RTL4: variants seen among roughly 807,000 people sequenced by gnomAD.
RTL4 encodes retrotransposon Gag-like protein 4.
In RTL4, 4 loss-of-function variants were observed where a neutral mutation model predicts 5.3. That is an observed-to-expected ratio of 0.75 (90% CI 0.37 to 1.72). The LOEUF (loss-of-function observed/expected upper bound fraction) is 1.72. Among genes scored for constraint, RTL4 ranks in the 40% most tolerant of loss-of-function variants. RTL4 has a pLI of 0.04. For missense variants in RTL4, 260 were observed against 227.1 expected (o/e 1.14, Z -0.93); for synonymous variants, 98 against 87.3 (o/e 1.12, Z -0.68).
chrX:112,397,890 G>T, the RTL4 span, among the ~76,000 whole-genome samples: 1 of 111,656 alleles, frequency 9.0e-6, no homozygotes, highest in South Asian at 3.7e-4. Flanking sequence ...GCTTTTTGAA[G>T]ATTCCTTGGG....
the RTL4 span, among the ~76,000 whole-genome samples, chrX:112,293,221 A>G: frequency 8.9e-6 from 1 of 112,503 alleles, no homozygotes; most frequent in Non-Finnish European, 1.9e-5. Context: ...CAGTACTTTC[A>G]TCTTCCTTCC....
At chrX:112,174,725 A>G in the RTL4 span, among the ~76,000 whole-genome samples, 1 of 91,416 alleles carries the variant, frequency 1.1e-5, no homozygotes, top group Non-Finnish European at 2.2e-5. Flanking sequence ...CTATTTCTCC[A>G]CATCCTCTCC....
At chrX:112,249,959 A>G in the RTL4 span, among the ~76,000 whole-genome samples, 2 of 110,597 alleles carry the variant, frequency 1.8e-5, no homozygotes, top group South Asian at 7.7e-4. Flanking sequence ...ACATAGTCAC[A>G]AAGACCCATG....
the RTL4 span, among the ~76,000 whole-genome samples, chrX:112,400,632 G>C: frequency 9.0e-6 from 1 of 111,541 alleles, no homozygotes; most frequent in Non-Finnish European, 1.9e-5. Context: ...TTTACTGGAT[G>C]CTGGATATTT....
the RTL4 span, among the ~76,000 whole-genome samples, chrX:112,423,659 T>C: frequency 1.8e-5 from 2 of 111,573 alleles, no homozygotes; most frequent in Non-Finnish European, 3.8e-5. Flanking sequence ...GGCCACCTTG[T>C]GTTCTTGATT....
At chrX:112,425,160 G>A in the RTL4 span, among the ~76,000 whole-genome samples, 2 of 111,094 alleles carry the variant, frequency 1.8e-5, no homozygotes, top group African/African-American at 6.5e-5. Flanking sequence ...TTTCCAGAAG[G>A]TCATATAGTT....
the RTL4 span, among the ~76,000 whole-genome samples, chrX:112,230,122 C>G: frequency 1.8e-5 from 2 of 112,619 alleles, no homozygotes; most frequent in Non-Finnish European, 3.8e-5. Flanking sequence ...GCCCTGCCCC[C>G]AGAGGTGGAG....
At chrX:112,137,463 T>A in the RTL4 span, among the ~76,000 whole-genome samples, 1 of 111,923 alleles carries the variant, frequency 8.9e-6, no homozygotes, top group African/African-American at 3.2e-5. Context: ...AGCAGGCACA[T>A]CCTTCACAAG....
At chrX:112,147,595 A>G in the RTL4 span, among the ~76,000 whole-genome samples, 1 of 111,688 alleles carries the variant, frequency 9.0e-6, no homozygotes, top group Non-Finnish European at 1.9e-5. Flanking sequence ...ATACAGCCCA[A>G]TACCATACCT....
chrX:112,310,711 A>G, the RTL4 span, among the ~76,000 whole-genome samples: 2 of 72,828 alleles, frequency 2.7e-5, no homozygotes, highest in African/African-American at 5.7e-5. Flanking sequence ...AAAATAATAT[A>G]TTTCAATATT....
chrX:112,172,063 G>C, the RTL4 span, among the ~76,000 whole-genome samples: 1 of 112,483 alleles, frequency 8.9e-6, no homozygotes, highest in Non-Finnish European at 1.9e-5. Context: ...GCTGGGCGTG[G>C]TGGCTCACGC....
chrX:112,450,383 T>C (rs1926715047), upstream of RTL4, among the ~76,000 whole-genome samples: 1 of 112,197 alleles, frequency 8.9e-6, no homozygotes, highest in Non-Finnish European at 1.9e-5. Flanking sequence ...TTAGACCTTG[T>C]CCGAGCTCAC....
At chrX:112,249,209 A>G in the RTL4 span, among the ~76,000 whole-genome samples, 180 of 112,357 alleles carry the variant, frequency 1.6e-3, no homozygotes, top group Non-Finnish European at 3.0e-3. Context: ...CTTGCTTCGG[A>G]AAATAGGAAG....
the RTL4 span, among the ~76,000 whole-genome samples, chrX:112,313,349 G>A: frequency 9.0e-6 from 1 of 111,241 alleles, no homozygotes; most frequent in Non-Finnish European, 1.9e-5. Context: ...GGGGAGATAA[G>A]ATGAGCTCTG....
At chrX:112,254,233 G>A in the RTL4 span, among the ~76,000 whole-genome samples, 23,035 of 110,874 alleles carry the variant, frequency 0.21, 1,956 homozygotes, top group African/African-American at 0.34. Flanking sequence ...CTGTTTAGAT[G>A]ATGTAAAAGA....
chrX:112,430,584 TA>T, the RTL4 span, among the ~76,000 whole-genome samples: 141 of 111,629 alleles, frequency 1.3e-3, no homozygotes, highest in African/African-American at 4.5e-3. Flanking sequence ...CACGATGTGT[TA>T]TTTTTTTATC....
chrX:112,283,316 C>T, the RTL4 span, among the ~76,000 whole-genome samples: 1 of 111,694 alleles, frequency 9.0e-6, no homozygotes, highest in African/African-American at 3.3e-5. Context: ...GTTTTCTCAT[C>T]TGTCAAATGG....
chrX:112,315,413 A>G, the RTL4 span, among the ~76,000 whole-genome samples: 1 of 110,755 alleles, frequency 9.0e-6, no homozygotes, highest in Non-Finnish European at 1.9e-5. Flanking sequence ...TCCCACCTCT[A>G]CTCTCGACAA....
At chrX:112,246,243 C>G in the RTL4 span, among the ~76,000 whole-genome samples, 1 of 111,900 alleles carries the variant, frequency 8.9e-6, no homozygotes, top group Non-Finnish European at 1.9e-5. Flanking sequence ...AACCATTGCT[C>G]TCTTCAGAGC....
Sources: allele counts gnomAD v4.1 joint callset (sites outside exome capture counted in the v4.1 genomes callset), GRCh38; gene constraint gnomAD v4.1.1; transcripts MANE v1.5; gene names NCBI Gene and HGNC (gene_info 2026-07-23, HGNC 2026-07-21).